The following CDH18 variants were observed in gnomAD, a reference collection of about 807,000 sequenced individuals.
CDH18 encodes the protein cadherin 18.
CDH18 carries 31 observed loss-of-function variants against 67.9 expected under a neutral mutation model. The observed-to-expected ratio is 0.46, with a 90% CI of 0.34 to 0.62. CDH18 has a LOEUF of 0.62. Ranked by LOEUF, CDH18 falls within the 20% of genes least tolerant of loss-of-function variation. The pLI, the probability that CDH18 is intolerant of heterozygous loss-of-function variation, is 0.01. For missense variants in CDH18, 890 were observed against 975.5 expected (o/e 0.91, Z 1.17); for synonymous variants, 362 against 347.2 (o/e 1.04, Z -0.48).
chr5:19,964,186 A>G (rs757788113), intron 2 of CDH18, among the ~76,000 whole-genome samples: 49 of 152,162 alleles, frequency 3.2e-4, no homozygotes, highest in Non-Finnish European at 6.6e-4. Context: ...TGATATAAAA[A>G]AGAGTACATA....
At chr5:19,926,266 T>A (rs1397311093) in intron 2 of CDH18, among the ~76,000 whole-genome samples, 3 of 152,186 alleles carry the variant, frequency 2.0e-5, no homozygotes, top group Non-Finnish European at 4.4e-5. Context: ...ATTTCACTGG[T>A]AATATGCTTG....
At chr5:19,918,853 T>C (rs1792121172) in intron 2 of CDH18, among the ~76,000 whole-genome samples, 1 of 152,054 alleles carries the variant, frequency 6.6e-6, no homozygotes, top group Admixed American at 6.6e-5. Context: ...GCGTGTCTTT[T>C]ATAATTTATA....
At chr5:19,643,056 G>T (rs982992389) in intron 5 of CDH18, among the ~76,000 whole-genome samples, 7 of 151,988 alleles carry the variant, frequency 4.6e-5, no homozygotes, top group African/African-American at 1.4e-4. Flanking sequence ...CAAAAGAAGA[G>T]AAATTGCTAC....
At chr5:19,993,838 C>T (rs1800120435) in intron 2 of CDH18, among the ~76,000 whole-genome samples, 1 of 151,954 alleles carries the variant, frequency 6.6e-6, no homozygotes. Flanking sequence ...ATGTTATGGC[C>T]ATTTTACTGA....
intron 1 of CDH18, among the ~76,000 whole-genome samples, chr5:20,450,488 A>G (rs186583728): frequency 6.6e-6 from 1 of 152,348 alleles, no homozygotes; most frequent in East Asian, 1.9e-4. Context: ...TAATTTAAAA[A>G]TAAAAATGCA....
chr5:19,654,161 T>C lies in CDH18; in HGVS notation c.644-41560A>G, dbSNP rs550813387. Among the ~76,000 whole-genome samples the C allele has an allele frequency of 1.5e-3, 222 of 152,282 alleles. 1 individual carries two copies. Among genetic ancestry groups the C allele is most frequent in the South Asian group, 2.5e-3 (12 of 4,826 alleles). On this transcript the variant is annotated intron_variant, in intron 5 of 12. Transcript: ENST00000382275. Reference sequence around the variant, plus strand: ...GAAGGATGGGACTCACGTACAGCCCTGTAACAGAGAATTTTAAAAATAGAA... The same window carrying C: ...GAAGGATGGGACTCACGTACAGCCCCGTAACAGAGAATTTTAAAAATAGAA...
chr5:19,973,035 C>T (rs1332806332), intron 2 of CDH18, among the ~76,000 whole-genome samples: 1 of 151,580 alleles, frequency 6.6e-6, no homozygotes, highest in Non-Finnish European at 1.5e-5. Context: ...GGCACAAAAG[C>T]CTTTCAGTAG....
intron 2 of CDH18, among the ~76,000 whole-genome samples, chr5:19,889,099 T>C (rs552526344): frequency 6.6e-6 from 1 of 152,052 alleles, no homozygotes; most frequent in Admixed American, 6.6e-5. Flanking sequence ...ACTATGTAAA[T>C]GGTTGTTGTA....
chr5:20,572,423 TC>T (rs58679981), intron 1 of CDH18, among the ~76,000 whole-genome samples: 16,723 of 152,030 alleles, frequency 0.11, 1,169 homozygotes, highest in African/African-American at 0.19. Flanking sequence ...TAATATATTA[TC>T]TTTACATTTG....
chr5:20,041,068 T>A (rs754429672), intron 2 of CDH18, among the ~76,000 whole-genome samples: 1 of 152,190 alleles, frequency 6.6e-6, no homozygotes, highest in South Asian at 2.1e-4. Flanking sequence ...AGTTAAATAA[T>A]GTGTCCATGA....
At chr5:20,455,653 A>G (rs572300664) in intron 1 of CDH18, among the ~76,000 whole-genome samples, 1 of 152,110 alleles carries the variant, frequency 6.6e-6, no homozygotes, top group African/African-American at 2.4e-5. Context: ...ATATATTTTT[A>G]AAAAACAAAT....
At chr5:19,760,806 T>C (rs1772230214) in intron 3 of CDH18, among the ~76,000 whole-genome samples, 1 of 152,142 alleles carries the variant, frequency 6.6e-6, no homozygotes, top group South Asian at 2.1e-4. Flanking sequence ...CTGAGGATGA[T>C]CAACATTATC....
intron 8 of CDH18, among the ~76,000 whole-genome samples, chr5:19,565,006 G>T (rs1740119307): frequency 6.6e-6 from 1 of 151,804 alleles, no homozygotes; most frequent in African/African-American, 2.4e-5. Flanking sequence ...TGGCTGGGGT[G>T]TCAGCTCAGC....
chr5:19,550,659 A>C (rs1032074141), intron 8 of CDH18, among the ~76,000 whole-genome samples: 2 of 152,164 alleles, frequency 1.3e-5, no homozygotes, highest in African/African-American at 4.8e-5. Flanking sequence ...AATCCAGTCT[A>C]TCATTCTTGG....
intron 2 of CDH18, among the ~76,000 whole-genome samples, chr5:19,965,619 T>C (rs2150318009): frequency 6.6e-6 from 1 of 152,350 alleles, no homozygotes; most frequent in African/African-American, 2.4e-5. Context: ...ATTAGATTTC[T>C]TTTATTCTGA....
chr5:19,723,218 G>A (rs1325036290), intron 4 of CDH18, among the ~76,000 whole-genome samples: 5 of 152,036 alleles, frequency 3.3e-5, no homozygotes, highest in South Asian at 2.1e-4. Flanking sequence ...GCAGTGAGCC[G>A]AGATTGTGCC....
Position 20,418,631 on chromosome 5 carries a change from T to C in CDH18, c.-580+156831A>G, listed in dbSNP as rs138539501. ...TTAGCCCTTAAAAACCCAATGGATA[T>C]ATTTAAAACAAATGAAGATTTCAAT... is the stretch of plus-strand genomic sequence containing the variant. On this transcript the variant is annotated intron_variant, in intron 1 of 14. Coordinates refer to the CDH18 transcript ENST00000507958. Among the ~76,000 whole-genome samples, 369 of 134,822 alleles carry C rather than the reference T, an allele frequency of 2.7e-3. 2 individuals carry two copies. Among genetic ancestry groups the C allele is most frequent in the African/African-American group, 9.9e-3 (351 of 35,376 alleles). The allele number at this position is 134,822 out of a possible 152,430, so 88.4% of individuals were successfully genotyped here.
rs757331872 is a variant in CDH18 at position 20,348,599 on chromosome 5, G to T, written c.-579-93094C>A. On this transcript the variant is annotated intron_variant, in intron 1 of 14. Transcript: ENST00000507958. The stretch of plus-strand genomic sequence containing the variant: ...TGATCAAGTGACCAGTGTTGTGAGA[G>T]ACTTCAGGGAATTTGCATCATACTG... Among the ~76,000 whole-genome samples the T allele has an allele frequency of 5.3e-5, 8 of 152,238 alleles. No individual in the cohort carries two copies. In the South Asian group the frequency reaches 1.7e-3, roughly 32 times the overall value.
At chr5:19,863,972 A>G (rs1280003092) in intron 2 of CDH18, among the ~76,000 whole-genome samples, 1 of 151,904 alleles carries the variant, frequency 6.6e-6, no homozygotes. Flanking sequence ...CAGTGTGGTG[A>G]TTCCTCAGGG....
Sources: gnomAD v4.1 joint callset for allele counts (sites outside exome capture counted in the v4.1 genomes callset) on GRCh38, gnomAD v4.1.1 for gene constraint, MANE v1.5 for transcripts, NCBI Gene and HGNC (gene_info 2026-07-23, HGNC 2026-07-21) for gene names.